Variants in REV3L observed in about 807,000 individuals in gnomAD.
REV3L encodes REV3 like, DNA directed polymerase zeta catalytic subunit, also known as DNA polymerase zeta catalytic subunit.
REV3L carries 69 observed loss-of-function variants against 299.4 expected under a neutral mutation model. That is an observed-to-expected ratio of 0.23 (90% confidence interval 0.19 to 0.28). The LOEUF (loss-of-function observed/expected upper bound fraction) is 0.28. Ranked by LOEUF, REV3L falls within the 10% of genes least tolerant of loss-of-function variation. REV3L has a pLI of 1.00. For synonymous variants in REV3L, 1,238 were observed against 1,271.4 expected (o/e 0.97, Z 0.56); for missense variants, 3,128 against 3,693.8 (o/e 0.85, Z 3.97).
chr6:111,307,878 T>G (rs1772506509), intron 30 of REV3L: 2 of 320,630 alleles, frequency 6.2e-6, no homozygotes, highest in Non-Finnish European at 1.2e-5. Flanking sequence ...GTTGGTTTGC[T>G]GCACCCATCA....
At chr6:111,479,295 A>G (rs1793320404) in intron 1 of REV3L, among the ~76,000 whole-genome samples, 1 of 152,240 alleles carries the variant, frequency 6.6e-6, no homozygotes, top group Admixed American at 6.5e-5. Context: ...TATTCTACAA[A>G]TGATACTGCT....
intron 2 of REV3L, among the ~76,000 whole-genome samples, chr6:111,413,172 C>A (rs1394804760): frequency 2.0e-5 from 3 of 152,036 alleles, no homozygotes; most frequent in Non-Finnish European, 4.4e-5. Flanking sequence ...TTAACTGTAG[C>A]CCTTTCCTGC....
chr6:111,364,869 A>G (rs1001002534), intron 15 of REV3L, among the ~76,000 whole-genome samples: 3 of 152,056 alleles, frequency 2.0e-5, no homozygotes, highest in Non-Finnish European at 4.4e-5. Flanking sequence ...TAAAAAATCA[A>G]TAAGGTTATA....
chr6:111,345,042 T>G (rs913346845), intron 20 of REV3L, among the ~76,000 whole-genome samples: 1 of 152,014 alleles, frequency 6.6e-6, no homozygotes, highest in Non-Finnish European at 1.5e-5. Context: ...ATGCCCCTCA[T>G]AGGTTGTAAA....
At chr6:111,431,598 C>T (rs1786934159) in intron 1 of REV3L, 3 of 772,768 alleles carry the variant, frequency 3.9e-6, no homozygotes, top group Admixed American at 2.0e-5. Context: ...AACAAGTGAC[C>T]AATAATCTTA....
rs1298606735 is a variant in REV3L, at chr6:111,422,603, T to A, written c.140-6131A>T. 3.4e-4 allele frequency among the ~76,000 whole-genome samples: 7 copies of A among 20,336 alleles called. 1 individual carries two copies. The highest frequency in any genetic ancestry group is 4.4e-4 in the Non-Finnish European group (4 of 9,114). 13.3% of individuals were successfully genotyped at this position (20,336 alleles called of 152,430 possible). A position where few individuals can be genotyped will look rare whatever the true frequency, so the allele number is the denominator to read the frequency against. ...ACATATATATATATATACACATATA[T>A]ATATATATACACATATATATATATA... On this transcript the variant is annotated intron_variant, in intron 1 of 31. Transcript: ENST00000368802.
At chr6:111,455,947 A>G (rs1028249668) in intron 1 of REV3L, among the ~76,000 whole-genome samples, 2 of 152,238 alleles carry the variant, frequency 1.3e-5, no homozygotes, top group African/African-American at 2.4e-5. Flanking sequence ...ATAGAGCATC[A>G]TATCGAAACC....
At chr6:111,388,894 G>A (rs1335122953) in intron 7 of REV3L, among the ~76,000 whole-genome samples, 1 of 152,094 alleles carries the variant, frequency 6.6e-6, no homozygotes, top group Non-Finnish European at 1.5e-5. Flanking sequence ...CAGTAAAAAC[G>A]TCAACTTCTT....
intron 31 of REV3L, among the ~76,000 whole-genome samples, chr6:111,300,793 G>A (rs1582399446): frequency 6.6e-6 from 1 of 152,166 alleles, no homozygotes; most frequent in African/African-American, 2.4e-5. Context: ...GTAAGCTGAG[G>A]ATGTATATCG....
chr6:111,392,890 T>G lies in REV3L; in HGVS notation c.648A>C (p.Gln216His). 1 of 1,608,936 alleles carries G rather than the reference T, an allele frequency of 6.2e-7. No individual in the cohort carries two copies. Among genetic ancestry groups the G allele is most frequent in the Non-Finnish European group, 8.5e-7 (1 of 1,175,382 alleles). The part of the protein sequence containing the change: ...SLADTLFRWE[Q>H]DEIPSSLILE... ...CATTAACTAACCTTGGTATTTCATC[T>G]TGTTCCCACCGAAATAAAGTATCAG... The change falls in exon 5 of 32, where the codon CAA (glutamine) becomes CAC (histidine). Residue 216 changes from glutamine (Q) to histidine (H), a missense_variant. This residue lies in a region of REV3L where 2,409 missense variants were observed against 2,611.8 expected (regional missense o/e 0.92). Transcript: ENST00000368802.
chr6:111,401,219 T>C (rs1783052206), intron 4 of REV3L, among the ~76,000 whole-genome samples: 1 of 152,190 alleles, frequency 6.6e-6, no homozygotes, highest in Admixed American at 6.5e-5. Flanking sequence ...TTTGGAAGTC[T>C]CCATACTTTA....
Position 111,313,375 on chromosome 6 carries a change from C to A in REV3L, c.8581G>T (p.Asp2861Tyr). 6.2e-7 allele frequency: 1 copy of A among 1,611,382 alleles called. No individual in the cohort carries two copies. The part of the protein sequence containing the change: ...DAKGIETVRR[D>Y]SCPAVSKILE... The stretch of plus-strand genomic sequence containing the variant: ...ACCTTAGAAACAGCAGGGCAGGAAT[C>A]TCTTCTGACTGTTTCTATTCCTTTT... Residue 2861 changes from aspartate to tyrosine, a missense_variant, in exon 28 of 32, where the codon GAT becomes TAT. Transcript: ENST00000368802.
At chr6:111,340,236 G>A (rs1177755904) in intron 21 of REV3L, among the ~76,000 whole-genome samples, 1 of 152,118 alleles carries the variant, frequency 6.6e-6, no homozygotes, top group Non-Finnish European at 1.5e-5. Flanking sequence ...TCTGCTCCCA[G>A]GATATACCTC....
intron 1 of REV3L, among the ~76,000 whole-genome samples, chr6:111,440,600 T>A (rs570262837): frequency 1.3e-5 from 2 of 152,308 alleles, no homozygotes; most frequent in Admixed American, 1.3e-4. Context: ...AATGCATTAC[T>A]GCTATTATTA....
intron 1 of REV3L, chr6:111,430,807 G>C: frequency 1.2e-6 from 2 of 1,608,690 alleles, no homozygotes; most frequent in Non-Finnish European, 1.7e-6. Flanking sequence ...CTGGAGGAAA[G>C]CTGACCAGGC....
chr6:111,336,071 AAG>A (rs1491320966), intron 21 of REV3L, among the ~76,000 whole-genome samples: 16 of 151,920 alleles, frequency 1.1e-4, no homozygotes, highest in African/African-American at 1.4e-4. Flanking sequence ...GCAAAAAAAA[AAG>A]AGTAATTTGG....
intron 1 of REV3L, chr6:111,430,892 G>A (rs1011525951): frequency 2.5e-6 from 4 of 1,603,750 alleles, no homozygotes; most frequent in Non-Finnish European, 3.4e-6. Context: ...TCTCCATCCT[G>A]TGGATCTCAT....
chr6:111,303,157 T>TTTTCTTTC (rs1414742198), intron 31 of REV3L, among the ~76,000 whole-genome samples: 1,215 of 92,904 alleles, frequency 0.013, 62 homozygotes, highest in African/African-American at 0.049. Context: ...TGAGGCTTTC[T>TTTTCTTTC]TTTCTTTCTT....
intron 2 of REV3L, 99 bp downstream of exon 2, chr6:111,416,184 T>G: frequency 1.3e-6 from 1 of 796,316 alleles, no homozygotes; most frequent in Non-Finnish European, 1.8e-6. Flanking sequence ...TCCATTAGAC[T>G]AGAAGTAAAA....
Sources: gnomAD v4.1 joint callset for allele counts (sites outside exome capture counted in the v4.1 genomes callset) on GRCh38, gnomAD v4.1.1 for gene constraint, gnomAD v4.1.1 regional missense constraint, MANE v1.5 for transcripts, NCBI Gene and HGNC (gene_info 2026-07-23, HGNC 2026-07-21) for gene names.